The following MBNL2 variants were observed in gnomAD, a reference collection of about 807,000 sequenced individuals.
The protein encoded by MBNL2 is muscleblind-like protein 2.
MBNL2 carries 17 observed loss-of-function variants against 41.9 expected under a neutral mutation model. The observed-to-expected ratio is 0.41, with a 90% confidence interval of 0.28 to 0.61. MBNL2 has a LOEUF of 0.61. Ranked by LOEUF, MBNL2 falls within the 20% of genes least tolerant of loss-of-function variation. MBNL2 has a pLI of 0.35. For missense variants in MBNL2, 336 were observed against 505.6 expected, an observed-to-expected ratio of 0.66 and a Z score of 3.22; for synonymous variants, 195 against 182.9, an observed-to-expected ratio of 1.07 and a Z score of -0.53.
At chr13:97,249,175 A>G (rs2046055470) in intron 1 of MBNL2, among the ~76,000 whole-genome samples, 1 of 152,234 alleles carries the variant, frequency 6.6e-6, no homozygotes, top group Admixed American at 6.5e-5. Context: ...TCATTATAAC[A>G]AAAATGTGTC....
At chr13:97,294,401 C>T (rs1212002445) in intron 2 of MBNL2, among the ~76,000 whole-genome samples, 3 of 152,256 alleles carry the variant, frequency 2.0e-5, no homozygotes, top group Admixed American at 6.5e-5. Context: ...CCATGTGTAC[C>T]GGTTATTAGC....
At chr13:97,255,731 G>A (rs1235296897) in intron 1 of MBNL2, among the ~76,000 whole-genome samples, 1 of 152,148 alleles carries the variant, frequency 6.6e-6, no homozygotes, top group Non-Finnish European at 1.5e-5. Context: ...AACTGTTTAG[G>A]ACCTCATGTG....
intron 5 of MBNL2, among the ~76,000 whole-genome samples, chr13:97,353,920 G>T (rs2062738652): frequency 6.6e-6 from 1 of 151,804 alleles, no homozygotes; most frequent in Non-Finnish European, 1.5e-5. Context: ...CTTTAAAGTG[G>T]TAGCTCTGAT....
At chr13:97,208,532 C>G in the MBNL2 span, among the ~76,000 whole-genome samples, 1 of 152,178 alleles carries the variant, frequency 6.6e-6, no homozygotes. Flanking sequence ...TAATCAATCT[C>G]CCGGGGTGTA....
upstream of MBNL2, among the ~76,000 whole-genome samples, chr13:97,221,001 G>A (rs1413605620): frequency 6.6e-6 from 1 of 152,210 alleles, no homozygotes; most frequent in Non-Finnish European, 1.5e-5. Flanking sequence ...ACATGGGGAA[G>A]ACAAAGAATG....
At chr13:97,363,402 T>A (rs1197666196) in intron 7 of MBNL2, among the ~76,000 whole-genome samples, 1 of 146,100 alleles carries the variant, frequency 6.8e-6, no homozygotes, top group Non-Finnish European at 1.5e-5. Flanking sequence ...ACAAAGGGAG[T>A]TGCCAGAAAG....
intron 1 of MBNL2, among the ~76,000 whole-genome samples, chr13:97,239,291 G>A (rs2043846348): frequency 6.6e-6 from 1 of 152,160 alleles, no homozygotes; most frequent in Non-Finnish European, 1.5e-5. Context: ...TACCTCATAT[G>A]GAATATTTTT....
chr13:97,162,265 C>A, the MBNL2 span, among the ~76,000 whole-genome samples: 1 of 152,052 alleles, frequency 6.6e-6, no homozygotes, highest in Admixed American at 6.6e-5. Context: ...TGGGCAGGGA[C>A]ACAGACCCAA....
chr13:97,313,527 G>A, intron 2 of MBNL2, among the ~76,000 whole-genome samples: 1 of 152,208 alleles, frequency 6.6e-6, no homozygotes, highest in East Asian at 1.9e-4. Context: ...GGGGTTGGCA[G>A]AAGTTTGACC....
At chr13:97,174,696 C>G in the MBNL2 span, among the ~76,000 whole-genome samples, 1 of 152,172 alleles carries the variant, frequency 6.6e-6, no homozygotes, top group African/African-American at 2.4e-5. Context: ...AAGCAGACTC[C>G]TAGATCACAT....
the MBNL2 span, among the ~76,000 whole-genome samples, chr13:97,207,297 T>C: frequency 4.9e-3 from 746 of 152,294 alleles, 1 homozygote; most frequent in South Asian, 0.023. Context: ...TTTTTTATAT[T>C]AACAGGAGTG....
intron 5 of MBNL2, among the ~76,000 whole-genome samples, chr13:97,352,752 A>G (rs2062615075): frequency 6.6e-6 from 1 of 152,272 alleles, no homozygotes; most frequent in Non-Finnish European, 1.5e-5. Flanking sequence ...GCAAAGTACC[A>G]TACAACAAAG....
At position 97,231,901 on chromosome 13, in the gene MBNL2, G is replaced by A. The variant is rs147519223; in HGVS notation, c.-605+9370G>A. On this transcript the variant is annotated intron_variant, in intron 1 of 8. Coordinates refer to ENST00000679496, the MANE Select transcript of MBNL2 (RefSeq NM_001382683.1). ...CAGAACTGGAGCCCAGAAGTCTGATGTGCCTACTTGCATCCTCACATCCTT... is the reference window on the plus strand; with the variant it reads ...CAGAACTGGAGCCCAGAAGTCTGATATGCCTACTTGCATCCTCACATCCTT... Among the ~76,000 whole-genome samples the A allele has an allele frequency of 4.4e-3, 674 of 151,704 alleles. 3 individuals carry two copies. Among genetic ancestry groups the A allele is most frequent in the Middle Eastern group, 0.014 (4 of 294 alleles).
chr13:97,162,535 GTTCCTGCTGC>G, the MBNL2 span, among the ~76,000 whole-genome samples: 10 of 152,210 alleles, frequency 6.6e-5, no homozygotes, highest in African/African-American at 2.2e-4. Flanking sequence ...TATGGCTGCA[GTTCCTGCTGC>G]TTATGGCTGA....
intron 1 of MBNL2, among the ~76,000 whole-genome samples, chr13:97,240,683 C>T (rs930772848): frequency 2.5e-4 from 38 of 152,270 alleles, no homozygotes; most frequent in Admixed American, 2.3e-3. Flanking sequence ...GGAATGTTTA[C>T]ATTTGAAGGA....
At chr13:97,215,894 A>C in the MBNL2 span, among the ~76,000 whole-genome samples, 2 of 152,228 alleles carry the variant, frequency 1.3e-5, no homozygotes, top group Non-Finnish European at 2.9e-5. Flanking sequence ...CCTAAGGGCT[A>C]TGATGATGTT....
chr13:97,258,798 C>A (rs1349219256), intron 1 of MBNL2, among the ~76,000 whole-genome samples: 2 of 152,200 alleles, frequency 1.3e-5, no homozygotes, highest in African/African-American at 4.8e-5. Context: ...TTATCTCCGG[C>A]ATAGGATCAA....
Position 97,334,360 on chromosome 13 carries a change from T to G in MBNL2, c.259T>G (p.Leu87Val). ...ACTAGAAATTAATGGAAGGAACAAT[T>G]TGATTCAGCAAAAAACTGCAGCAGC... ...TQLEINGRNN[L>V]IQQKTAAAML... is the part of the protein sequence containing the mutation. The change falls in exon 3 of 9, where the codon TTG (leucine) becomes GTG (valine). Residue 87 changes from leucine (L) to valine (V), a missense_variant. Leu to Val is a conservative substitution (Grantham distance 32). Coordinates refer to ENST00000679496, the MANE Select transcript of MBNL2 (RefSeq NM_001382683.1). The surrounding 1 kb of genome is among the most constrained non-coding windows in gnomAD (Gnocchi z 5.3). The G allele has an allele frequency of 6.2e-7, 1 of 1,613,770 alleles. No individual in the cohort carries two copies. The highest frequency in any genetic ancestry group is 8.5e-7 in the Non-Finnish European group (1 of 1,179,804).
chr13:97,175,493 C>T, the MBNL2 span, among the ~76,000 whole-genome samples: 1 of 152,130 alleles, frequency 6.6e-6, no homozygotes, highest in Non-Finnish European at 1.5e-5. Flanking sequence ...CCTGAGTAAA[C>T]ATGGAGAACA....
Sources: allele counts gnomAD v4.1 joint callset (sites outside exome capture counted in the v4.1 genomes callset), GRCh38; gene constraint gnomAD v4.1.1; non-coding constraint Gnocchi (gnomAD v3.1); transcripts MANE v1.5; gene names NCBI Gene and HGNC (gene_info 2026-07-23, HGNC 2026-07-21).